The following DLGAP2 variants were observed in gnomAD, a reference collection of about 807,000 sequenced individuals.
DLGAP2 encodes the protein DLG associated protein 2.
In DLGAP2, 26 loss-of-function variants were observed where a neutral mutation model predicts 100.3. The ratio of observed to expected loss-of-function variants is 0.26; its 90% CI spans 0.19 to 0.36. DLGAP2 has a LOEUF of 0.36. Ranked by LOEUF, DLGAP2 falls within the 10% of genes least tolerant of loss-of-function variation. DLGAP2 has a pLI of 1.00. For synonymous variants in DLGAP2, 886 were observed against 630.1 expected (o/e 1.41, Z -6.08); for missense variants, 1,858 against 1,453.2 (o/e 1.28, Z -4.53).
At chr8:995,459 CATTATG>C (rs1456388298) in intron 2 of DLGAP2, among the ~76,000 whole-genome samples, 21 of 152,186 alleles carry the variant, frequency 1.4e-4, no homozygotes, top group African/African-American at 4.6e-4. Context: ...AACCAAGTCT[CATTATG>C]ATTTAATAGT....
intron 1 of DLGAP2, among the ~76,000 whole-genome samples, chr8:891,069 G>T (rs1324819581): frequency 2.0e-5 from 3 of 151,830 alleles, no homozygotes; most frequent in Non-Finnish European, 4.4e-5. Context: ...TCCTCTTCTG[G>T]CTCCCCCTCC....
rs556074767 is a variant in DLGAP2 at position 1,597,853 on chromosome 8, C to G, written c.1443-28887C>G. 2.0e-5 allele frequency among the ~76,000 whole-genome samples: 3 copies of G among 152,206 alleles called. No homozygotes were observed. In the South Asian group the frequency reaches 6.2e-4, roughly 32 times the overall value. On this transcript the variant is annotated intron_variant, in intron 6 of 14. Coordinates refer to ENST00000637795, the MANE Select transcript of DLGAP2 (RefSeq NM_001346810.2). ...ACTTTCTCTTTTCCTATTTGAATAC[C>G]TTTTATTTCTTTCTCTTGTCTGATT...
chr8:1,270,246 C>T (rs1296645739), intron 3 of DLGAP2, among the ~76,000 whole-genome samples: 1 of 152,128 alleles, frequency 6.6e-6, no homozygotes, highest in Non-Finnish European at 1.5e-5. Context: ...ACCGTATACA[C>T]AGAAGGGACT....
intron 8 of DLGAP2, among the ~76,000 whole-genome samples, chr8:1,644,826 C>T (rs544502211): frequency 3.0e-4 from 45 of 152,186 alleles, no homozygotes; most frequent in African/African-American, 1.0e-3. Flanking sequence ...ACAGGATGTT[C>T]GTCTAAAAAG....
chr8:1,020,284 G>A (rs1801590948), intron 2 of DLGAP2, among the ~76,000 whole-genome samples: 1 of 152,192 alleles, frequency 6.6e-6, no homozygotes, highest in South Asian at 2.1e-4. Context: ...GAAAGTGACC[G>A]TTAATTGCTA....
intron 3 of DLGAP2, among the ~76,000 whole-genome samples, chr8:1,496,190 C>T (rs1471638235): frequency 6.6e-6 from 1 of 152,188 alleles, no homozygotes; most frequent in African/African-American, 2.4e-5. Flanking sequence ...TCTGCCTCTT[C>T]ATTGGCAGAG....
chr8:1,549,746 CT>C, intron 5 of DLGAP2, 63 bp downstream of exon 5: 1 of 1,432,080 alleles, frequency 7.0e-7, no homozygotes, highest in Non-Finnish European at 9.2e-7. Flanking sequence ...GTCGTTATTC[CT>C]TTTTTAATTG....
At chr8:811,548 A>C (rs1288890211) in intron 1 of DLGAP2, among the ~76,000 whole-genome samples, 1 of 149,076 alleles carries the variant, frequency 6.7e-6, no homozygotes, top group African/African-American at 2.5e-5. Context: ...CATCCTTGGA[A>C]TGAGCAGGAA....
At chr8:1,471,697 A>T (rs1346273818) in intron 3 of DLGAP2, among the ~76,000 whole-genome samples, 1 of 152,092 alleles carries the variant, frequency 6.6e-6, no homozygotes, top group Non-Finnish European at 1.5e-5. Flanking sequence ...CCTCTTCAAG[A>T]CCAAGAAGGG....
chr8:1,537,480 AG>A lies in DLGAP2; in HGVS notation c.173-11145del, dbSNP rs141668651. ...ATGCCTGCCACCACCACCCTGCCCC[AG>A]TCTCTCAGCTGCACCCCGTGTACCT... On this transcript the variant is annotated intron_variant, in intron 4 of 14. Coordinates refer to ENST00000637795, the MANE Select transcript of DLGAP2 (RefSeq NM_001346810.2). 4.8e-3 allele frequency among the ~76,000 whole-genome samples: 725 copies of A among 152,246 alleles called. 4 individuals carry two copies. The highest frequency in any genetic ancestry group is 0.016 in the African/African-American group (664 of 41,542).
intron 6 of DLGAP2, among the ~76,000 whole-genome samples, chr8:1,596,348 T>C (rs1449881099): frequency 6.6e-6 from 1 of 152,224 alleles, no homozygotes; most frequent in East Asian, 1.9e-4. Flanking sequence ...TGCATGTGTC[T>C]TTATAGTAGA....
chr8:1,548,692 G>T lies in DLGAP2; in HGVS notation c.239G>T (p.Ser80Ile), dbSNP rs771346886. ...NEERYSPAPRSMKGLSGSRTQ... is the reference protein window; with the variant it reads ...NEERYSPAPRIMKGLSGSRTQ... ...GAGCGCTACTCGCCCGCGCCCAGGA[G>T]CATGAAGGGCCTTTCCGGAAGTCGG... The change falls in exon 5 of 15, where the codon AGC (serine) becomes ATC (isoleucine). Residue 80 changes from serine (S) to isoleucine (I), a missense_variant. Transcript: ENST00000637795. 2.5e-6 allele frequency: 4 copies of T among 1,606,030 alleles called. No individual in the cohort carries two copies.
At chr8:848,894 C>A (rs1361151331) in intron 1 of DLGAP2, among the ~76,000 whole-genome samples, 2 of 124,922 alleles carry the variant, frequency 1.6e-5, no homozygotes, top group Non-Finnish European at 3.4e-5. Context: ...CATAGGAACG[C>A]GCGGTGCCTG....
chr8:1,408,713 A>G (rs1264341133), intron 3 of DLGAP2, among the ~76,000 whole-genome samples: 1 of 152,178 alleles, frequency 6.6e-6, no homozygotes, highest in Non-Finnish European at 1.5e-5. Flanking sequence ...AGGACAGTGC[A>G]GAGGGTTTTC....
intron 3 of DLGAP2, among the ~76,000 whole-genome samples, chr8:1,370,955 G>T (rs1056632442): frequency 6.6e-6 from 1 of 152,240 alleles, no homozygotes; most frequent in African/African-American, 2.4e-5. Context: ...TCATCTGTAT[G>T]TTAGGCGCCT....
At chr8:1,335,182 G>C (rs1443029805) in intron 3 of DLGAP2, among the ~76,000 whole-genome samples, 3 of 152,150 alleles carry the variant, frequency 2.0e-5, no homozygotes, top group African/African-American at 7.2e-5. Context: ...ACAAAGCAGA[G>C]GTAGTGTGGC....
intron 1 of DLGAP2, among the ~76,000 whole-genome samples, chr8:854,955 C>T (rs937901599): frequency 1.2e-4 from 18 of 152,116 alleles, no homozygotes; most frequent in African/African-American, 1.9e-4. Flanking sequence ...AACCGAGGAG[C>T]GGTTTGGGCA....
intron 2 of DLGAP2, among the ~76,000 whole-genome samples, chr8:1,193,969 G>A (rs1054535635): frequency 2.0e-5 from 3 of 152,132 alleles, no homozygotes; most frequent in African/African-American, 2.4e-5. Flanking sequence ...GAGCTTGACG[G>A]GAAGGAAGTC....
At chr8:1,022,479 C>T (rs1801654605) in intron 2 of DLGAP2, among the ~76,000 whole-genome samples, 1 of 148,712 alleles carries the variant, frequency 6.7e-6, no homozygotes, top group African/African-American at 2.5e-5. Flanking sequence ...CGCCATCCAT[C>T]CTCCCTGGGA....
Sources: gnomAD v4.1 joint callset for allele counts (sites outside exome capture counted in the v4.1 genomes callset) on GRCh38, gnomAD v4.1.1 for gene constraint, MANE v1.5 for transcripts, NCBI Gene and HGNC (gene_info 2026-07-23, HGNC 2026-07-21) for gene names.